SPTB: variants seen among roughly 807,000 people sequenced by gnomAD.
The protein encoded by SPTB is spectrin beta, erythrocytic.
A neutral mutation model predicts 256.2 loss-of-function variants in SPTB; 45 were observed. That is an observed-to-expected ratio of 0.18 (90% confidence interval 0.14 to 0.23). The LOEUF (loss-of-function observed/expected upper bound fraction) is 0.23, where lower values mean the gene tolerates loss of function less well. SPTB is among the 10% of genes least tolerant of loss of function. The probability of loss-of-function intolerance (pLI) is 1.00; values close to 1 mark genes in which losing one functional copy is unlikely to be tolerated. For missense variants in SPTB, 2,715 were observed against 3,040.4 expected (o/e 0.89, Z 2.52); for synonymous variants, 1,231 against 1,243.1 (o/e 0.99, Z 0.21).
At chr14:64,819,715 A>C (rs535087206) in intron 2 of SPTB, among the ~76,000 whole-genome samples, 2 of 152,326 alleles carry the variant, frequency 1.3e-5, no homozygotes, top group Admixed American at 6.5e-5. Flanking sequence ...AGAAGGAAGA[A>C]ACAGGTCCTG....
chr14:64,770,865 C>A lies in SPTB; in HGVS notation c.5798+20G>T, dbSNP rs2082268825. ...TGGCCTGGAGAGGAGCTGCCTCTGC[C>A]TCAAGGACACTCCCCTCACCTGGGC... On this transcript the variant is annotated intron_variant, in intron 27 of 35. Coordinates refer to ENST00000644917, the MANE Select transcript of SPTB (RefSeq NM_001355436.2). 1 of 1,613,822 alleles carries A rather than the reference C, an allele frequency of 6.2e-7. No homozygotes were observed. Among genetic ancestry groups the A allele is most frequent in the South Asian group, 1.1e-5 (1 of 91,062 alleles).
At chr14:64,808,771 C>G (rs961649283) in intron 2 of SPTB, among the ~76,000 whole-genome samples, 1 of 152,134 alleles carries the variant, frequency 6.6e-6, no homozygotes, top group Non-Finnish European at 1.5e-5. Context: ...TTTAATAACA[C>G]AAAAGCCATC....
Position 64,796,746 on chromosome 14 carries a change from G to C in SPTB, c.1183-31C>G, listed in dbSNP as rs765775498. 1 of 1,613,806 alleles carries C rather than the reference G, an allele frequency of 6.2e-7. No individual in the cohort carries two copies. Among genetic ancestry groups the C allele is most frequent in the Non-Finnish European group, 8.5e-7 (1 of 1,180,012 alleles). ...CAAAGGATGGAATGAGAATTCTTGG[G>C]GCACAGGAGAAATGCCTCACTTTGG... On this transcript the variant is annotated intron_variant, in intron 10 of 35. Coordinates refer to ENST00000644917, the MANE Select transcript of SPTB (RefSeq NM_001355436.2). The surrounding 1 kb of genome is among the most constrained non-coding windows in gnomAD (Gnocchi z 4.1).
chr14:64,841,550 A>G lies in SPTB; in HGVS notation c.-51-18405T>C, dbSNP rs1276640943. Reference sequence around the variant, plus strand: ...TCCACGCCCTGAGATTTCAAAACACAGAATGCACTGGGTCTCTAGCCTGCG... The same window carrying G: ...TCCACGCCCTGAGATTTCAAAACACGGAATGCACTGGGTCTCTAGCCTGCG... On this transcript the variant is annotated intron_variant, in intron 1 of 35. Coordinates refer to ENST00000644917, the MANE Select transcript of SPTB (RefSeq NM_001355436.2). The surrounding 1 kb of genome is among the most constrained non-coding windows in gnomAD (Gnocchi z 4.6). Among the ~76,000 whole-genome samples the G allele has an allele frequency of 1.2e-4, 19 of 152,200 alleles. No individual in the cohort carries two copies. Among genetic ancestry groups the G allele is most frequent in the African/African-American group, 4.6e-4 (19 of 41,434 alleles).
At chr14:64,832,215 A>G (rs2083462563) in intron 1 of SPTB, among the ~76,000 whole-genome samples, 1 of 152,252 alleles carries the variant, frequency 6.6e-6, no homozygotes, top group Non-Finnish European at 1.5e-5. Flanking sequence ...CCCTCACTCC[A>G]TGAAGCTATT....
chr14:64,861,590 T>TC (rs1303185143), intron 1 of SPTB, among the ~76,000 whole-genome samples: 2 of 152,174 alleles, frequency 1.3e-5, no homozygotes, highest in Non-Finnish European at 2.9e-5. Flanking sequence ...TACCTCAGCA[T>TC]CCCCACTTTC....
At chr14:64,773,541 A>C in intron 24 of SPTB, 117 bp from the exon 25 acceptor site, 1 of 1,109,462 alleles carries the variant, frequency 9.0e-7, no homozygotes, top group Non-Finnish European at 1.4e-6. Context: ...TAGGGAGTGA[A>C]GCTCTGGAGA....
rs2083660835 is a variant in SPTB at position 64,844,600 on chromosome 14, T to C, written c.-51-21455A>G. On this transcript the variant is annotated intron_variant, in intron 1 of 35. Coordinates refer to ENST00000644917, the MANE Select transcript of SPTB (RefSeq NM_001355436.2). This position sits in a 1 kb window ranked among gnomAD's most constrained non-coding sequence, Gnocchi z 4.1. ...TCTGACAGCAGAACTTTAGGATGAA[T>C]TGTCTCTAATGATAAATTTCAGCTT... is the stretch of plus-strand genomic sequence containing the variant. Among the ~76,000 whole-genome samples the C allele has an allele frequency of 1.3e-5, 2 of 152,206 alleles. No homozygotes were observed. Among genetic ancestry groups the C allele is most frequent in the South Asian group, 2.1e-4 (1 of 4,826 alleles).
At position 64,769,439 on chromosome 14, in the gene SPTB, G is replaced by T. The variant is rs1426399473; in HGVS notation, c.5937+151C>A. 1.5e-5 allele frequency: 16 copies of T among 1,096,692 alleles called. No individual in the cohort carries two copies. The Admixed American group carries it at 2.9e-4, about 20-fold the overall frequency. The allele number at this position is 1,096,692 out of a possible 1,614,324, so 67.9% of individuals were successfully genotyped here. A position where few individuals can be genotyped will look rare whatever the true frequency, so the allele number is the denominator to read the frequency against. On this transcript the variant is annotated intron_variant, in intron 28 of 35. Coordinates refer to ENST00000644917, the MANE Select transcript of SPTB (RefSeq NM_001355436.2). ...TGCGCTTGCTGGGGCTCCAATCCCC[G>T]GGCCTGTGTGTAGCCCCGATCTCCA...
Position 64,801,821 on chromosome 14 carries a change from T to A in SPTB, c.580A>T (p.Asn194Tyr). 1.2e-6 allele frequency: 2 copies of A among 1,614,110 alleles called. No individual in the cohort carries two copies. Among genetic ancestry groups the A allele is most frequent in the Non-Finnish European group, 1.7e-6 (2 of 1,180,002 alleles). The change falls in exon 6 of 36, where the codon AAT becomes TAT. Residue 194 changes from asparagine to tyrosine, a missense_variant. By Grantham distance (143) the Asn-to-Tyr change is moderately radical. This residue lies in a region of SPTB where 416 missense variants were observed against 571.1 expected (regional missense o/e 0.73). Coordinates refer to ENST00000644917, the MANE Select transcript of SPTB (RefSeq NM_001355436.2). ...CAGCTGGAGGTAAAGTTGGTGACAT[T>A]AACATGAGGGTAGCTGCATCCAAGA... ...QMKTAGYPHVNVTNFTSSWKD... is the reference protein window; with the variant it reads ...QMKTAGYPHVYVTNFTSSWKD...
chr14:64,793,007 C>T lies in SPTB; in HGVS notation c.2656G>A (p.Val886Met), dbSNP rs146031194. 33 of 1,613,822 alleles carry T rather than the reference C, an allele frequency of 2.0e-5. No homozygotes were observed. The highest frequency in any genetic ancestry group is 1.4e-4 in the South Asian group (13 of 91,082). ...MPDTLEDLEVVQHRFDILDQE... is the reference protein window; with the variant it reads ...MPDTLEDLEVMQHRFDILDQE... ...TGAGTTAACTCTGACCTGTGCTGCACGACCTCCAGGTCCTCCAGGGTGTCT... is the reference window on the plus strand; with the variant it reads ...TGAGTTAACTCTGACCTGTGCTGCATGACCTCCAGGTCCTCCAGGGTGTCT... The change falls in exon 14 of 36, where the codon GTG becomes ATG. Residue 886 changes from valine to methionine, a missense_variant. By Grantham distance (21) the Val-to-Met change is conservative. Around this residue, in one of 4 missense-constraint regions of SPTB, gnomAD observed 2,239 missense variants for 2,384.4 expected, o/e 0.94. Transcript: ENST00000644917. This position sits in a 1 kb window ranked among gnomAD's most constrained non-coding sequence, Gnocchi z 7.0.
At chr14:64,761,204 C>T (rs568279451) in intron 32 of SPTB, among the ~76,000 whole-genome samples, 1 of 152,120 alleles carries the variant, frequency 6.6e-6, no homozygotes, top group Admixed American at 6.5e-5. Context: ...CAGCTCTTGT[C>T]CTTTGGGTGA....
chr14:64,815,835 G>A (rs1259145473), intron 2 of SPTB, among the ~76,000 whole-genome samples: 1 of 152,178 alleles, frequency 6.6e-6, no homozygotes, highest in African/African-American at 2.4e-5. Flanking sequence ...AGGGCTTTGG[G>A]CGTCATCTAG....
chr14:64,759,229 A>AAGGCAGGGAGCCAAGTAGCT lies in SPTB; in HGVS notation c.6346-5456_6346-5437dup, dbSNP rs11270591. On this transcript the variant is annotated intron_variant, in intron 32 of 35. Transcript: ENST00000644917. The surrounding 1 kb of genome is among the most constrained non-coding windows in gnomAD (Gnocchi z 4.8). ...GAAAGGGCACCACAGGTGGTGTGGG[A>AAGGCAGGGAGCCAAGTAGCT]AGGCAGGGAGCCAAGTAGCTAGGCA... 6.6e-5 allele frequency among the ~76,000 whole-genome samples: 10 copies of AAGGCAGGGAGCCAAGTAGCT among 152,178 alleles called. No homozygotes were observed. Among genetic ancestry groups the AAGGCAGGGAGCCAAGTAGCT allele is most frequent in the Non-Finnish European group, 1.2e-4 (8 of 67,978 alleles).
chr14:64,868,264 C>G (rs1882313670), intron 1 of SPTB, among the ~76,000 whole-genome samples: 1 of 151,918 alleles, frequency 6.6e-6, no homozygotes, highest in Non-Finnish European at 1.5e-5. Flanking sequence ...AAGAAAGAAA[C>G]TAATTTGAAA....
At chr14:64,773,458 G>A (rs765086634) in intron 24 of SPTB, 34 bp from the exon 25 acceptor site, 189 of 1,608,352 alleles carry the variant, frequency 1.2e-4, no homozygotes, top group East Asian at 4.0e-4. Flanking sequence ...CCTCAGAGAC[G>A]GCAGCCACGA....
At chr14:64,862,083 T>C (rs1366854902) in intron 1 of SPTB, among the ~76,000 whole-genome samples, 1 of 152,210 alleles carries the variant, frequency 6.6e-6, no homozygotes, top group Non-Finnish European at 1.5e-5. Flanking sequence ...CAGCCCCTCC[T>C]GGGCTCAACT....
chr14:64,806,157 G>A lies in SPTB; in HGVS notation c.149-1067C>T, dbSNP rs1191099891. On this transcript the variant is annotated intron_variant, in intron 2 of 35. Transcript: ENST00000644917. The surrounding 1 kb of genome is among the most constrained non-coding windows in gnomAD (Gnocchi z 4.1). The stretch of plus-strand genomic sequence containing the variant: ...AAAAAAAGAGAGAGAAAAGGATAGA[G>A]GAGGGGAGAAGGAGAAAAAAAGAAA... 1.3e-5 allele frequency among the ~76,000 whole-genome samples: 2 copies of A among 152,062 alleles called. No homozygotes were observed. Among genetic ancestry groups the A allele is most frequent in the African/African-American group, 4.8e-5 (2 of 41,342 alleles).
intron 22 of SPTB, among the ~76,000 whole-genome samples, chr14:64,776,942 C>T (rs959597152): frequency 6.6e-6 from 1 of 152,116 alleles, no homozygotes; most frequent in African/African-American, 2.4e-5. Context: ...AGCTTACAAC[C>T]TGGTAGAGGA....
Sources: allele counts gnomAD v4.1 joint callset (sites outside exome capture counted in the v4.1 genomes callset), GRCh38; gene constraint gnomAD v4.1.1; regional missense constraint gnomAD v4.1.1; non-coding constraint Gnocchi (gnomAD v3.1); transcripts MANE v1.5; gene names NCBI Gene and HGNC (gene_info 2026-07-23, HGNC 2026-07-21).